DIS3L2: variants seen among roughly 807,000 people sequenced by gnomAD.
DIS3L2 encodes DIS3-like exonuclease 2.
A neutral mutation model predicts 97.5 loss-of-function variants in DIS3L2; 34 were observed. That is an observed-to-expected ratio of 0.35 (90% CI 0.27 to 0.46). The LOEUF (loss-of-function observed/expected upper bound fraction) is 0.46, where lower values mean the gene tolerates loss of function less well. Ranked by LOEUF, DIS3L2 falls within the 20% of genes least tolerant of loss-of-function variation. The pLI, the probability that DIS3L2 is intolerant of heterozygous loss-of-function variation, is 1.00. For missense variants in DIS3L2, 1,038 were observed against 1,146.0 expected, an observed-to-expected ratio of 0.91 and a Z score of 1.36; for synonymous variants, 435 against 445.2, an observed-to-expected ratio of 0.98 and a Z score of 0.29.
At chr2:232,075,025 C>T (rs929302260) in intron 5 of DIS3L2, among the ~76,000 whole-genome samples, 3 of 152,196 alleles carry the variant, frequency 2.0e-5, no homozygotes, top group African/African-American at 7.2e-5. Context: ...GCTAGGCCAA[C>T]AAAAGGTTCA....
At chr2:232,060,448 C>T (rs538656719) in intron 5 of DIS3L2, among the ~76,000 whole-genome samples, 1 of 152,208 alleles carries the variant, frequency 6.6e-6, no homozygotes, top group East Asian at 1.9e-4. Context: ...TATTCTTCTG[C>T]ATTTAGATAA....
chr2:232,040,306 C>T (rs1364214887), intron 5 of DIS3L2, among the ~76,000 whole-genome samples: 1 of 152,144 alleles, frequency 6.6e-6, no homozygotes, highest in Non-Finnish European at 1.5e-5. Context: ...AGTACAGCAG[C>T]CCCTCTACTA....
At chr2:232,155,989 A>G (rs897019469) in intron 8 of DIS3L2, among the ~76,000 whole-genome samples, 1 of 140,332 alleles carries the variant, frequency 7.1e-6, no homozygotes, top group Non-Finnish European at 1.6e-5. Flanking sequence ...GACTCCATCT[A>G]AAAAAAAAAA....
At chr2:232,107,842 C>A (rs770035006) in intron 6 of DIS3L2, among the ~76,000 whole-genome samples, 3 of 152,170 alleles carry the variant, frequency 2.0e-5, no homozygotes, top group African/African-American at 2.4e-5. Context: ...CCTCCCAGGA[C>A]TGAACCAGGA....
At chr2:232,069,317 T>C (rs1223337100) in intron 5 of DIS3L2, among the ~76,000 whole-genome samples, 5 of 152,224 alleles carry the variant, frequency 3.3e-5, no homozygotes, top group Non-Finnish European at 7.3e-5. Flanking sequence ...TATCAAAAAT[T>C]GTTGTGATTC....
rs556518179 is a variant in DIS3L2 at position 232,116,888 on chromosome 2, G to A, written c.602-13731G>A. On this transcript the variant is annotated intron_variant, in intron 6 of 20. Transcript: ENST00000325385. ...CACCCAACTCAAAACATTAAAGAAT[G>A]AATATGCCACCCCTGTTCCTGTAAG... 3.8e-4 allele frequency among the ~76,000 whole-genome samples: 58 copies of A among 152,234 alleles called. 1 individual carries two copies. The South Asian group carries it at 7.5e-3, about 20-fold the overall frequency.
At chr2:231,981,077 G>A (rs1333998874) in intron 1 of DIS3L2, among the ~76,000 whole-genome samples, 1 of 152,130 alleles carries the variant, frequency 6.6e-6, no homozygotes, top group Non-Finnish European at 1.5e-5. Context: ...CTGAGTAGCT[G>A]GGATTACAGG....
intron 10 of DIS3L2, among the ~76,000 whole-genome samples, chr2:232,228,555 A>G (rs1341213561): frequency 6.6e-6 from 1 of 152,200 alleles, no homozygotes; most frequent in Non-Finnish European, 1.5e-5. Context: ...TACTTCATTT[A>G]CTAAGTTCAC....
intron 15 of DIS3L2, 92 bp downstream of exon 15, chr2:232,330,088 C>T (rs1695692550): frequency 4.9e-6 from 7 of 1,424,002 alleles, no homozygotes; most frequent in Non-Finnish European, 6.6e-6. Flanking sequence ...CTCTGCTTCC[C>T]CCCAGAGTCC....
At chr2:232,338,918 G>T (rs1364607622), downstream of DIS3L2, among the ~76,000 whole-genome samples, 1 of 152,296 alleles carries the variant, frequency 6.6e-6, no homozygotes, top group African/African-American at 2.4e-5. Flanking sequence ...CGGGCACAGA[G>T]CGAGACTGTC....
intron 1 of DIS3L2, among the ~76,000 whole-genome samples, chr2:232,013,349 CT>C (rs993626164): frequency 1.3e-5 from 2 of 152,180 alleles, no homozygotes; most frequent in African/African-American, 4.8e-5. Flanking sequence ...CTCCCTAGTG[CT>C]TTTGAAAAAC....
chr2:232,070,623 C>T (rs927737094), intron 5 of DIS3L2, among the ~76,000 whole-genome samples: 5 of 148,782 alleles, frequency 3.4e-5, no homozygotes, highest in South Asian at 4.3e-4. Flanking sequence ...CTCACTCTGT[C>T]GCCCAGGCTG....
In DIS3L2 at chr2:232,336,522, C is replaced by T; in HGVS notation, c.2550C>T (p.Ala850=). 6.2e-7 allele frequency: 1 copy of T among 1,611,096 alleles called. No homozygotes were observed. Among genetic ancestry groups the T allele is most frequent in the Non-Finnish European group, 8.5e-7 (1 of 1,179,948 alleles). The change falls in exon 21 of 21, where the codon GCC becomes GCT. Residue 850 remains alanine, a synonymous_variant. Coordinates refer to ENST00000325385, the MANE Select transcript of DIS3L2 (RefSeq NM_152383.5). ...TGGTCCTGCAGGCAGAGTCCACAGC[C>T]CTCAAGTACAGCGCCATCCTGAAGC... ...VEVVLQAEST[A]LKYSAILKRP... is the part of the protein sequence containing the mutation.
intron 11 of DIS3L2, among the ~76,000 whole-genome samples, chr2:232,239,372 G>A (rs1693018983): frequency 2.0e-5 from 3 of 152,140 alleles, no homozygotes; most frequent in South Asian, 2.1e-4. Context: ...ACTGCAGTAG[G>A]CCTCAGAGAA....
intron 6 of DIS3L2, among the ~76,000 whole-genome samples, chr2:232,116,128 C>G (rs769556377): frequency 2.6e-5 from 4 of 151,952 alleles, no homozygotes; most frequent in African/African-American, 7.3e-5. Flanking sequence ...GCTGAGATTG[C>G]ACCATTGCAC....
intron 9 of DIS3L2, among the ~76,000 whole-genome samples, chr2:232,205,287 G>A (rs1184705222): frequency 6.7e-6 from 1 of 149,592 alleles, no homozygotes; most frequent in Non-Finnish European, 1.5e-5. Context: ...ACAGGGTCTT[G>A]CTCTATCACC....
intron 10 of DIS3L2, among the ~76,000 whole-genome samples, chr2:232,225,361 G>T (rs1692617119): frequency 1.3e-5 from 2 of 152,084 alleles, no homozygotes; most frequent in South Asian, 2.1e-4. Flanking sequence ...ATAAATTGGG[G>T]TATACTCTTA....
In DIS3L2 at chr2:232,136,453, A is replaced by T; in HGVS notation, c.703-19A>T. ...GTTCTGCAGATAAACAACATTGACT[A>T]TATCTTTGGTGTTTTTAGGTGGTTT... On this transcript the variant is annotated intron_variant, in intron 7 of 20. Transcript: ENST00000325385. 1 of 1,612,912 alleles carries T rather than the reference A, an allele frequency of 6.2e-7. No homozygotes were observed. Among genetic ancestry groups the T allele is most frequent in the Non-Finnish European group, 8.5e-7 (1 of 1,179,188 alleles).
At chr2:232,001,014 G>C (rs901542894) in intron 1 of DIS3L2, among the ~76,000 whole-genome samples, 1 of 151,992 alleles carries the variant, frequency 6.6e-6, no homozygotes, top group Non-Finnish European at 1.5e-5. Context: ...TGTAATGAAC[G>C]TGGGAGTGCA....
Sources: allele counts gnomAD v4.1 joint callset (sites outside exome capture counted in the v4.1 genomes callset), GRCh38; gene constraint gnomAD v4.1.1; transcripts MANE v1.5; gene names NCBI Gene and HGNC (gene_info 2026-07-23, HGNC 2026-07-21).